Variants in MYH14 observed in about 807,000 individuals in gnomAD.
The protein encoded by MYH14 is myosin heavy chain 14.
Under a neutral mutation model 255.5 loss-of-function variants are expected in MYH14, and 123 were observed. The ratio of observed to expected loss-of-function variants is 0.48; its 90% confidence interval spans 0.42 to 0.56. The LOEUF (loss-of-function observed/expected upper bound fraction) is 0.56. Ranked by LOEUF, MYH14 falls within the 20% of genes least tolerant of loss-of-function variation. The probability of loss-of-function intolerance (pLI) is 0.00; values close to 1 mark genes in which losing one functional copy is unlikely to be tolerated. For missense variants in MYH14, 2,423 were observed against 2,802.3 expected (o/e 0.86, Z 3.06); for synonymous variants, 1,095 against 1,161.2 (o/e 0.94, Z 1.16).
chr19:50,224,925 T>A (rs906688354), intron 6 of MYH14: 1 of 444,710 alleles, frequency 2.2e-6, no homozygotes, highest in Non-Finnish European at 4.5e-6. Context: ...GGCAAAAGAG[T>A]GAGACCCCAT....
Position 50,280,339 on chromosome 19 carries a change from G to T in MYH14, c.4246G>T (p.Ala1416Ser). The change falls in exon 32 of 43, where the codon GCC becomes TCC. Residue 1416 changes from alanine (A) to serine (S), a missense_variant. Ala to Ser is a moderately conservative substitution (Grantham distance 99). Around this residue, in one of 3 missense-constraint regions of MYH14, gnomAD observed 1,513 missense variants for 1,674.8 expected, o/e 0.90. Coordinates refer to ENST00000642316, the MANE Select transcript of MYH14 (RefSeq NM_001145809.2). The surrounding 1 kb of genome is among the most constrained non-coding windows in gnomAD (Gnocchi z 4.8). ...TGAGCAGCTGGAGGAGGAGGCAGCTGCCAGGGAACGGGCGGGCCGTGAACT... is the reference window on the plus strand; with the variant it reads ...TGAGCAGCTGGAGGAGGAGGCAGCTTCCAGGGAACGGGCGGGCCGTGAACT... Reference protein sequence around the residue: ...LREQLEEEAAARERAGRELQT... With the variant: ...LREQLEEEAASRERAGRELQT... The T allele has an allele frequency of 6.5e-7, 1 of 1,548,904 alleles. No homozygotes were observed. Among genetic ancestry groups the T allele is most frequent in the South Asian group, 1.2e-5 (1 of 83,884 alleles).
intron 37 of MYH14, among the ~76,000 whole-genome samples, chr19:50,292,942 G>C (rs1427174456): frequency 6.6e-6 from 1 of 151,926 alleles, no homozygotes; most frequent in Non-Finnish European, 1.5e-5. Flanking sequence ...GGTCTGGCCC[G>C]GTGATTGGGG....
At chr19:50,209,825 T>C (rs2032060020) in intron 1 of MYH14, among the ~76,000 whole-genome samples, 1 of 140,314 alleles carries the variant, frequency 7.1e-6, no homozygotes, top group Non-Finnish European at 1.5e-5. Context: ...GGGCCGGGTG[T>C]GGTAGCTCAT....
intron 27 of MYH14, 119 bp downstream of exon 27, chr19:50,272,850 G>C: frequency 2.0e-6 from 2 of 1,000,162 alleles, no homozygotes; most frequent in East Asian, 5.2e-5. Context: ...ACCAGCCACA[G>C]ACAGGCCACA....
At position 50,235,624 on chromosome 19, in the gene MYH14, T is replaced by TCA. The variant is rs1555759410; in HGVS notation, c.1114+3554_1114+3555insCA. Among the ~76,000 whole-genome samples the TCA allele has an allele frequency of 5.2e-4, 73 of 140,198 alleles. 1 individual carries two copies. In the South Asian group the frequency reaches 0.016, roughly 30 times the overall value. The allele number at this position is 140,198 out of a possible 152,430, so 92.0% of individuals were successfully genotyped here. ...GTGAGACCCTGTCTCTACTAAAAAT[T>TCA]AAAAAAAAAAAAAATTAACCAGGTG... On this transcript the variant is annotated intron_variant, in intron 10 of 42. Transcript: ENST00000642316.
At chr19:50,259,288 G>A in intron 19 of MYH14, 23 bp downstream of exon 19, 1 of 1,555,038 alleles carries the variant, frequency 6.4e-7, no homozygotes, top group East Asian at 2.4e-5. Context: ...GAGGGCCCAG[G>A]CCCGGCGGAG....
chr19:50,292,110 T>C (rs1193254620), intron 36 of MYH14, 151 bp from the exon 37 acceptor site: 1 of 708,140 alleles, frequency 1.4e-6, no homozygotes, highest in Non-Finnish European at 2.1e-6. Flanking sequence ...AGCAAGTGGC[T>C]TTATACACAG....
chr19:50,250,551 G>A lies in MYH14; in HGVS notation c.1693G>A (p.Glu565Lys). The A allele has an allele frequency of 6.2e-7, 1 of 1,613,856 alleles. No homozygotes were observed. Among genetic ancestry groups the A allele is most frequent in the East Asian group, 2.2e-5 (1 of 44,882 alleles). Reference protein sequence around the residue: ...PPGLLALLDEECWFPKATDKS... With the variant: ...PPGLLALLDEKCWFPKATDKS... ...TGGACTCCTGGCCCTGCTGGATGAG[G>A]AGTGCTGGTTCCCGAAGGCCACAGA... The change falls in exon 15 of 43, where the codon GAG becomes AAG. Residue 565 changes from glutamate (E) to lysine (K), a missense_variant. Physicochemically the swap from Glu to Lys is moderately conservative, Grantham distance 56. Coordinates refer to ENST00000642316, the MANE Select transcript of MYH14 (RefSeq NM_001145809.2). The surrounding 1 kb of genome is among the most constrained non-coding windows in gnomAD (Gnocchi z 5.4).
At chr19:50,244,744 A>C (rs2034035331) in intron 11 of MYH14, among the ~76,000 whole-genome samples, 1 of 151,806 alleles carries the variant, frequency 6.6e-6, no homozygotes, top group Admixed American at 6.6e-5. Flanking sequence ...CGGCCTCCCA[A>C]AGTGCTGGGA....
intron 18 of MYH14, chr19:50,258,865 TC>T (rs2034707960): frequency 6.1e-6 from 2 of 328,058 alleles, no homozygotes; most frequent in Admixed American, 9.5e-5. Flanking sequence ...CCCACATCCC[TC>T]CCTGCGGATC....
At position 50,272,547 on chromosome 19, in the gene MYH14, C is replaced by G; in HGVS notation, c.3296-13C>G. 1 of 1,559,734 alleles carries G rather than the reference C, an allele frequency of 6.4e-7. No homozygotes were observed. On this transcript the variant is annotated splice_polypyrimidine_tract_variant and intron_variant, in intron 26 of 42. Transcript: ENST00000642316. ...CTGGAGTCCTCATGCACGGCCCCCACCCCTGCCTCCAGACCGCCTACGGAA... is the reference window on the plus strand; with the variant it reads ...CTGGAGTCCTCATGCACGGCCCCCAGCCCTGCCTCCAGACCGCCTACGGAA...
At chr19:50,299,187 G>T (rs2036388527) in intron 39 of MYH14, among the ~76,000 whole-genome samples, 1 of 152,182 alleles carries the variant, frequency 6.6e-6, no homozygotes, top group Admixed American at 6.5e-5. Flanking sequence ...ACAAATAAAT[G>T]CTGAATTAGA....
chr19:50,257,606 G>A (rs779773567), intron 18 of MYH14, 120 bp downstream of exon 18: 52 of 1,016,428 alleles, frequency 5.1e-5, no homozygotes, highest in Non-Finnish European at 7.0e-5. Context: ...GTGGCTTTGA[G>A]CAAATTGCTT....
Position 50,309,767 on chromosome 19 carries a change from T to TGCCCCCCCCCCCC in MYH14, c.6088_6089insGCCCCCCCCCCCC (p.Ser2030CysfsTer21). The TGCCCCCCCCCCCC allele has an allele frequency of 6.4e-7, 1 of 1,570,918 alleles. No individual in the cohort carries two copies. The highest frequency in any genetic ancestry group is 1.8e-5 in the Admixed American group (1 of 55,548). On this transcript the variant is annotated frameshift_variant, in exon 43 of 43. Transcript: ENST00000642316. LOFTEE classifies it high-confidence loss of function. The stretch of plus-strand genomic sequence containing the variant: ...TGGGCCATCCCCGGAGCCTGAGGGG[T>TGCCCCCCCCCCCC]CCCCACCAGCCCACCCCCAGTGACC...
Position 50,268,252 on chromosome 19 carries a change from C to T in MYH14, c.2918C>T (p.Ala973Val), listed in dbSNP as rs1055659592. Residue 973 changes from alanine to valine, a missense_variant, in exon 24 of 43, where the codon GCC becomes GTC. Ala to Val is a moderately conservative substitution (Grantham distance 64). Around this residue, in one of 3 missense-constraint regions of MYH14, gnomAD observed 1,513 missense variants for 1,674.8 expected, o/e 0.90. Coordinates refer to ENST00000642316, the MANE Select transcript of MYH14 (RefSeq NM_001145809.2). The part of the protein sequence containing the change: ...EAEETRGRLA[A>V]RKQELELVVS... ...GAGGAGACGCGGGGGAGGCTGGCAG[C>T]CCGCAAGCAGGAGCTGGAGCTGGTG... The T allele has an allele frequency of 9.6e-6, 15 of 1,569,616 alleles. No homozygotes were observed. Among genetic ancestry groups the T allele is most frequent in the Admixed American group, 1.9e-5 (1 of 53,714 alleles).
In MYH14 at chr19:50,310,250, C is replaced by A; in HGVS notation, c.*460C>A. 4.7e-6 allele frequency: 1 copy of A among 211,462 alleles called. No individual in the cohort carries two copies. The highest frequency in any genetic ancestry group is 5.9e-5 in the Admixed American group (1 of 16,818). 13.1% of individuals were successfully genotyped at this position (211,462 alleles called of 1,614,324 possible). ...TTTCTTGGCCTCTCTGAGGGTCTCT[C>A]TGTGCATCTTTTTAGGAATCTCGCT... On this transcript the variant is annotated 3_prime_UTR_variant, in exon 43 of 43. Transcript: ENST00000642316.
At chr19:50,241,146 A>C (rs1483234464) in intron 10 of MYH14, among the ~76,000 whole-genome samples, 1 of 152,072 alleles carries the variant, frequency 6.6e-6, no homozygotes, top group Non-Finnish European at 1.5e-5. Flanking sequence ...CCATGAAAGC[A>C]TCAGATGCAG....
intron 27 of MYH14, among the ~76,000 whole-genome samples, chr19:50,275,241 A>C (rs1308985252): frequency 6.6e-6 from 1 of 152,112 alleles, no homozygotes; most frequent in Non-Finnish European, 1.5e-5. Flanking sequence ...CCCAGGTCCC[A>C]GTTGGTGCTG....
rs983116806 is a variant in MYH14 at position 50,266,757 on chromosome 19, G to A, written c.2695-120G>A. On this transcript the variant is annotated intron_variant, in intron 22 of 42. Transcript: ENST00000642316. The surrounding 1 kb of genome is among the most constrained non-coding windows in gnomAD (Gnocchi z 4.1). ...TGTGACCAGGGACTGTTGCCAAGGC[G>A]GGGACACACAGCTAATAGGTGGAGG... The A allele has an allele frequency of 4.9e-5, 66 of 1,337,492 alleles. No individual in the cohort carries two copies. The highest frequency in any genetic ancestry group is 6.3e-5 in the Non-Finnish European group (61 of 966,996). The allele number at this position is 1,337,492 out of a possible 1,614,324, so 82.9% of individuals were successfully genotyped here. A position where few individuals can be genotyped will look rare whatever the true frequency, so the allele number is the denominator to read the frequency against.
Sources: allele counts gnomAD v4.1 joint callset (sites outside exome capture counted in the v4.1 genomes callset), GRCh38; gene constraint gnomAD v4.1.1; regional missense constraint gnomAD v4.1.1; non-coding constraint Gnocchi (gnomAD v3.1); transcripts MANE v1.5; gene names NCBI Gene and HGNC (gene_info 2026-07-23, HGNC 2026-07-21).